Variants in ACOT7 observed in about 807,000 individuals in gnomAD.
ACOT7 encodes the protein acyl-CoA thioesterase 7, also known as cytosolic acyl coenzyme A thioester hydrolase.
In ACOT7, 12 loss-of-function variants were observed where a neutral mutation model predicts 40.2. The observed-to-expected ratio is 0.30, with a 90% CI of 0.19 to 0.48. The LOEUF is 0.48. Among genes scored for constraint, ACOT7 ranks in the 20% least tolerant of loss-of-function variants. The probability of loss-of-function intolerance (pLI) is 0.99; values close to 1 mark genes in which losing one functional copy is unlikely to be tolerated. For synonymous variants in ACOT7, 228 were observed against 219.5 expected, an observed-to-expected ratio of 1.04 and a Z score of -0.34; for missense variants, 395 against 530.8, an observed-to-expected ratio of 0.74 and a Z score of 2.51.
Position 6,358,863 on chromosome 1 carries a change from AG to A in ACOT7, c.144-8998del, listed in dbSNP as rs1475055509. On this transcript the variant is annotated intron_variant, in intron 1 of 8. Coordinates refer to ENST00000361521, the MANE Select transcript of ACOT7 (RefSeq NM_007274.4). The surrounding 1 kb of genome is among the most constrained non-coding windows in gnomAD (Gnocchi z 4.1). ...AAAGCCATGGTGGCTAGGACATCCC[AG>A]GATCAGATGCAGAGAAAGGCGAGGG... 1.9e-6 allele frequency: 3 copies of A among 1,613,648 alleles called. No individual in the cohort carries two copies. The East Asian group carries it at 6.7e-5, about 36-fold the overall frequency.
chr1:6,373,854 A>G (rs1642177525), intron 1 of ACOT7, among the ~76,000 whole-genome samples: 1 of 149,950 alleles, frequency 6.7e-6, no homozygotes, highest in African/African-American at 2.5e-5. Context: ...AACAAAAGCT[A>G]AACTCCATCT....
At chr1:6,321,168 T>C (rs755378730) in intron 5 of ACOT7, among the ~76,000 whole-genome samples, 2 of 152,212 alleles carry the variant, frequency 1.3e-5, no homozygotes, top group African/African-American at 2.4e-5. Flanking sequence ...TCCCTGTTGG[T>C]TATCCACCAT....
chr1:6,372,798 C>T (rs1191315683), intron 1 of ACOT7, among the ~76,000 whole-genome samples: 1 of 152,160 alleles, frequency 6.6e-6, no homozygotes, highest in Non-Finnish European at 1.5e-5. Flanking sequence ...GATCCAACCG[C>T]CTCAGCCTCC....
intron 6 of ACOT7, among the ~76,000 whole-genome samples, chr1:6,302,446 G>A (rs1173790533): frequency 6.6e-6 from 1 of 152,138 alleles, no homozygotes; most frequent in Non-Finnish European, 1.5e-5. Flanking sequence ...TGCAGGTGTT[G>A]AGGCAGCAGG....
At chr1:6,341,526 C>T (rs1451781827) in intron 2 of ACOT7, among the ~76,000 whole-genome samples, 11 of 151,474 alleles carry the variant, frequency 7.3e-5, no homozygotes, top group Non-Finnish European at 5.9e-5. Context: ...GTGGATCACA[C>T]GGTCAGGAGA....
intron 6 of ACOT7, among the ~76,000 whole-genome samples, chr1:6,308,714 G>A (rs1640243282): frequency 6.6e-6 from 1 of 152,122 alleles, no homozygotes; most frequent in Non-Finnish European, 1.5e-5. Flanking sequence ...CAGGCAGAGG[G>A]AACCGCAACC....
chr1:6,385,447 G>C, intron 1 of ACOT7: 2 of 1,571,838 alleles, frequency 1.3e-6, no homozygotes, highest in Non-Finnish European at 1.7e-6. Context: ...CCCAGTCGGC[G>C]TCGCAAGTGA....
At chr1:6,277,873 C>T (rs1357537708) in intron 8 of ACOT7, among the ~76,000 whole-genome samples, 1 of 152,218 alleles carries the variant, frequency 6.6e-6, no homozygotes, top group African/African-American at 2.4e-5. Context: ...AGGTGAACAG[C>T]AGCAGATGAT....
At chr1:6,304,364 C>T (rs1235938891) in intron 6 of ACOT7, among the ~76,000 whole-genome samples, 21 of 148,746 alleles carry the variant, frequency 1.4e-4, no homozygotes, top group Non-Finnish European at 1.6e-4. Flanking sequence ...CACCCCCATC[C>T]GACCCGTACA....
intron 6 of ACOT7, among the ~76,000 whole-genome samples, chr1:6,317,885 C>A (rs752198527): frequency 2.0e-5 from 3 of 152,080 alleles, no homozygotes; most frequent in Non-Finnish European, 2.9e-5. Flanking sequence ...GCGCCTGCCA[C>A]CACACCTGGC....
At chr1:6,357,098 A>G (rs1403814004) in intron 1 of ACOT7, among the ~76,000 whole-genome samples, 1 of 142,370 alleles carries the variant, frequency 7.0e-6, no homozygotes, top group African/African-American at 2.6e-5. Flanking sequence ...TTAGCCAACC[A>G]TGGTGGCACA....
rs758821654 is a variant in ACOT7 at position 6,339,437 on chromosome 1, G to A, written c.414C>T (p.Leu138=). 1.9e-6 allele frequency: 3 copies of A among 1,613,018 alleles called. No individual in the cohort carries two copies. Among genetic ancestry groups the A allele is most frequent in the Non-Finnish European group, 2.5e-6 (3 of 1,180,022 alleles). The part of the protein sequence containing the change: ...VQVNVMSENI[L]TGAKKLTNKA... ...CACTGTCGCTCCCAGAAGTACCTGT[G>A]AGGATGTTTTCGGACATCACGTTGA... The change falls in exon 3 of 9, where the codon CTC becomes CTT. Residue 138 remains leucine (L), a synonymous_variant. Coordinates refer to ENST00000361521, the MANE Select transcript of ACOT7 (RefSeq NM_007274.4).
At chr1:6,363,388 A>ACT (rs1457056549) in intron 1 of ACOT7, among the ~76,000 whole-genome samples, 16 of 151,884 alleles carry the variant, frequency 1.1e-4, no homozygotes, top group Non-Finnish European at 2.2e-4. Flanking sequence ...TTTAGAGAAG[A>ACT]CTACTCCTCC....
chr1:6,319,928 C>T (rs1461154193), intron 5 of ACOT7, among the ~76,000 whole-genome samples: 2 of 152,170 alleles, frequency 1.3e-5, no homozygotes, highest in Non-Finnish European at 2.9e-5. Flanking sequence ...GGGTCTGAAA[C>T]GCCTCCCACT....
At chr1:6,292,860 G>C (rs1639709347) in intron 7 of ACOT7, among the ~76,000 whole-genome samples, 1 of 142,934 alleles carries the variant, frequency 7.0e-6, no homozygotes, top group Non-Finnish European at 1.5e-5. Context: ...TTTGTGTTTT[G>C]TGCTTCGCTG....
chr1:6,276,075 C>G (rs560549740), intron 8 of ACOT7, among the ~76,000 whole-genome samples: 2 of 152,090 alleles, frequency 1.3e-5, no homozygotes, highest in South Asian at 4.2e-4. Context: ...GGGGCCTCAG[C>G]GAGCCCCTCA....
chr1:6,273,746 C>T (rs967850195), intron 8 of ACOT7, among the ~76,000 whole-genome samples: 1 of 152,270 alleles, frequency 6.6e-6, no homozygotes, highest in Non-Finnish European at 1.5e-5. Flanking sequence ...CGCACACGGG[C>T]GCAGCGGTGC....
At chr1:6,384,112 G>A (rs1642398777) in intron 1 of ACOT7, among the ~76,000 whole-genome samples, 1 of 151,864 alleles carries the variant, frequency 6.6e-6, no homozygotes, top group Non-Finnish European at 1.5e-5. Context: ...AATTTTATCT[G>A]AGAAGGGACT....
rs1232425620 is a variant in ACOT7, at chr1:6,330,105, C to T, written c.511-2692G>A. ...TGTGCGTGTTCAAGATATCTACATGCATACGTATGTGACATCTCTATTTGT... is the reference window on the plus strand; with the variant it reads ...TGTGCGTGTTCAAGATATCTACATGTATACGTATGTGACATCTCTATTTGT... On this transcript the variant is annotated intron_variant, in intron 4 of 8. Transcript: ENST00000361521. This position sits in a 1 kb window ranked among gnomAD's most constrained non-coding sequence, Gnocchi z 4.6. 1.3e-5 allele frequency among the ~76,000 whole-genome samples: 2 copies of T among 152,192 alleles called. No homozygotes were observed. Among genetic ancestry groups the T allele is most frequent in the African/African-American group, 4.8e-5 (2 of 41,444 alleles).
Sources: gnomAD v4.1 joint callset for allele counts (sites outside exome capture counted in the v4.1 genomes callset) on GRCh38, gnomAD v4.1.1 for gene constraint, Gnocchi (gnomAD v3.1) non-coding constraint, MANE v1.5 for transcripts, NCBI Gene and HGNC (gene_info 2026-07-23, HGNC 2026-07-21) for gene names.